The following PFKP variants were observed in gnomAD, a reference collection of about 807,000 sequenced individuals.
PFKP encodes the protein ATP-dependent 6-phosphofructokinase, platelet type.
Under a neutral mutation model 94.3 loss-of-function variants are expected in PFKP, and 101 were observed. The observed-to-expected ratio is 1.07, with a 90% CI of 0.91 to 1.26. The LOEUF (loss-of-function observed/expected upper bound fraction) is 1.26. PFKP is among the 50% of genes most tolerant of loss of function. The pLI, the probability that PFKP is intolerant of heterozygous loss-of-function variation, is 0.00. For missense variants in PFKP, 1,145 were observed against 1,103.3 expected, an observed-to-expected ratio of 1.04 and a Z score of -0.53; for synonymous variants, 573 against 432.6, an observed-to-expected ratio of 1.32 and a Z score of -4.03.
In PFKP at chr10:3,067,712, G is replaced by T. The variant is rs1405876333; in HGVS notation, c.112+5G>T. 1.4e-6 allele frequency: 2 copies of T among 1,454,402 alleles called. No individual in the cohort carries two copies. The highest frequency in any genetic ancestry group is 1.8e-6 in the Non-Finnish European group (2 of 1,089,190). 90.1% of individuals were successfully genotyped at this position (1,454,402 alleles called of 1,614,324 possible). ...CCAGCGGCGGGGATGCTCAAGGTGC[G>T]CGCCCCCCTCCCGGCGGCGAGGGAG... On this transcript the variant is annotated splice_donor_5th_base_variant and intron_variant, in intron 1 of 21. Coordinates refer to ENST00000381125, the MANE Select transcript of PFKP (RefSeq NM_002627.5).
At chr10:3,091,586 G>A (rs1234025228) in intron 2 of PFKP, among the ~76,000 whole-genome samples, 2 of 152,094 alleles carry the variant, frequency 1.3e-5, no homozygotes, top group East Asian at 1.9e-4. Flanking sequence ...AGGCTGAGGC[G>A]GATGGATCCT....
At chr10:3,121,587 T>TG (rs1398300773) in intron 16 of PFKP, among the ~76,000 whole-genome samples, 1 of 103,984 alleles carries the variant, frequency 9.6e-6, no homozygotes, top group Non-Finnish European at 2.0e-5. Flanking sequence ...AACTGTTTTT[T>TG]TTTTTTTTTT....
chr10:3,081,573 C>T (rs1833080432), intron 1 of PFKP, among the ~76,000 whole-genome samples: 1 of 152,222 alleles, frequency 6.6e-6, no homozygotes, highest in African/African-American at 2.4e-5. Flanking sequence ...CTTTTCACTC[C>T]TCTCCCGATG....
chr10:3,087,361 A>G (rs1481291763), intron 2 of PFKP, among the ~76,000 whole-genome samples: 1 of 152,124 alleles, frequency 6.6e-6, no homozygotes, highest in East Asian at 1.9e-4. Flanking sequence ...CCATGGCCGC[A>G]GGTGCTGTCT....
intron 17 of PFKP, among the ~76,000 whole-genome samples, 199 bp from the exon 18 acceptor site, chr10:3,132,181 C>G (rs970275728): frequency 3.3e-5 from 5 of 152,208 alleles, no homozygotes; most frequent in African/African-American, 1.2e-4. Flanking sequence ...TCACCGTGCC[C>G]TGTCCTCAGC....
At chr10:3,097,655 T>C (rs1007926064) in intron 2 of PFKP, among the ~76,000 whole-genome samples, 2 of 152,134 alleles carry the variant, frequency 1.3e-5, no homozygotes, top group Non-Finnish European at 2.9e-5. Context: ...TGGGTTCTGT[T>C]CCATTCCAGA....
intron 15 of PFKP, 64 bp downstream of exon 15, chr10:3,118,933 A>G: frequency 3.9e-6 from 5 of 1,285,588 alleles, no homozygotes; most frequent in Non-Finnish European, 4.5e-6. Flanking sequence ...TTGGCTAAAC[A>G]TTAAGCTACT....
In PFKP at chr10:3,133,230, C is replaced by T. The variant is rs747726143; in HGVS notation, c.1938C>T (p.Thr646=). The part of the protein sequence containing the change: ...LRNESCSENY[T]TDFIYQLYSE... ...ATGAGAGCTGCAGTGAAAACTACAC[C>T]ACCGACTTCATTTACCAGCTGTATT... Residue 646 remains threonine (T), a synonymous_variant, in exon 19 of 22, where the codon ACC becomes ACT. Coordinates refer to ENST00000381125, the MANE Select transcript of PFKP (RefSeq NM_002627.5). 1.2e-6 allele frequency: 2 copies of T among 1,613,890 alleles called. No homozygotes were observed. Among genetic ancestry groups the T allele is most frequent in the Non-Finnish European group, 1.7e-6 (2 of 1,179,814 alleles).
At chr10:3,073,127 C>T (rs1832325830) in intron 1 of PFKP, among the ~76,000 whole-genome samples, 1 of 151,932 alleles carries the variant, frequency 6.6e-6, no homozygotes, top group South Asian at 2.1e-4. Flanking sequence ...AGACACATGG[C>T]AGACCAGAGC....
intron 5 of PFKP, 85 bp downstream of exon 5, chr10:3,104,029 C>T (rs1218950397): frequency 3.1e-6 from 4 of 1,293,824 alleles, no homozygotes; most frequent in East Asian, 2.5e-5. Flanking sequence ...CTAGAACATT[C>T]TGCAGATTGG....
Position 3,067,574 on chromosome 10 carries a change from G to C in PFKP, c.-22G>C. ...TTGCCTGCTGCGCACCCGGACGTGC[G>C]GCTCCCCTCGGCCTCCTCGCCATGG... On this transcript the variant is annotated 5_prime_UTR_variant, in exon 1 of 22. Coordinates refer to ENST00000381125, the MANE Select transcript of PFKP (RefSeq NM_002627.5). The C allele has an allele frequency of 7.4e-7, 1 of 1,347,254 alleles. No homozygotes were observed. Among genetic ancestry groups the C allele is most frequent in the Non-Finnish European group, 1.0e-6 (1 of 980,816 alleles). 83.5% of individuals were successfully genotyped at this position (1,347,254 alleles called of 1,614,324 possible).
intron 16 of PFKP, among the ~76,000 whole-genome samples, chr10:3,124,926 G>A (rs191324068): frequency 1.3e-5 from 2 of 152,334 alleles, no homozygotes; most frequent in Non-Finnish European, 2.9e-5. Flanking sequence ...GCTGGGGCCT[G>A]TGCTGCTCTC....
rs1244162120 is a variant in PFKP at position 3,105,383 on chromosome 10, G to A, written c.666-10G>A. 3 of 1,608,710 alleles carry A rather than the reference G, an allele frequency of 1.9e-6. No individual in the cohort carries two copies. The East Asian group carries it at 6.7e-5, about 36-fold the overall frequency. On this transcript the variant is annotated splice_polypyrimidine_tract_variant and intron_variant, in intron 6 of 21. Coordinates refer to ENST00000381125, the MANE Select transcript of PFKP (RefSeq NM_002627.5). Reference sequence around the variant, plus strand: ...TCTGGGGTGTTGATGCTGTTGCCTTGTCCACATAGGTACCTGGCCCTGGTG... The same window carrying A: ...TCTGGGGTGTTGATGCTGTTGCCTTATCCACATAGGTACCTGGCCCTGGTG...
intron 2 of PFKP, among the ~76,000 whole-genome samples, chr10:3,095,309 C>G (rs1834391950): frequency 6.6e-6 from 1 of 151,728 alleles, no homozygotes; most frequent in Admixed American, 6.6e-5. Context: ...CCTAAAAATT[C>G]TAGTCAAAAC....
chr10:3,106,617 CACTG>C (rs1564309362), intron 7 of PFKP, among the ~76,000 whole-genome samples: 39 of 73,136 alleles, frequency 5.3e-4, no homozygotes, highest in Non-Finnish European at 9.5e-4. Context: ...TCACCCCTGC[CACTG>C]CCCCTTCACC....
intron 19 of PFKP, 42 bp from the exon 20 acceptor site, chr10:3,134,441 T>TA: frequency 9.5e-7 from 1 of 1,056,520 alleles, no homozygotes; most frequent in Non-Finnish European, 1.4e-6. Flanking sequence ...AGCAAAGTGT[T>TA]ACTGTATAAC....
intron 19 of PFKP, among the ~76,000 whole-genome samples, chr10:3,133,667 A>G (rs3740610): frequency 0.7 from 106,582 of 152,014 alleles, 37,492 homozygotes; most frequent in East Asian, 0.73. Flanking sequence ...CTGACCTCAG[A>G]TGATTCACCC....
intron 8 of PFKP, chr10:3,108,122 C>A: frequency 6.2e-6 from 5 of 809,756 alleles, no homozygotes; most frequent in South Asian, 3.2e-5. Flanking sequence ...TTTTATTTCC[C>A]GCTTAACTGT....
chr10:3,114,414 T>A (rs1381811235), intron 13 of PFKP, among the ~76,000 whole-genome samples: 2 of 152,196 alleles, frequency 1.3e-5, no homozygotes, highest in Non-Finnish European at 2.9e-5. Flanking sequence ...CCTCCCAAAG[T>A]GCTGGGATTA....
Sources: gnomAD v4.1 joint callset for allele counts (sites outside exome capture counted in the v4.1 genomes callset) on GRCh38, gnomAD v4.1.1 for gene constraint, MANE v1.5 for transcripts, NCBI Gene and HGNC (gene_info 2026-07-23, HGNC 2026-07-21) for gene names.